PAPPA2: variants seen among roughly 807,000 people sequenced by gnomAD.
PAPPA2 encodes the protein pappalysin 2, also known as pappalysin-2.
In PAPPA2, 86 loss-of-function variants were observed where a neutral mutation model predicts 176.4. The observed-to-expected ratio is 0.49, with a 90% CI of 0.41 to 0.58. The LOEUF (loss-of-function observed/expected upper bound fraction) is 0.58. PAPPA2 is among the 20% of genes least tolerant of loss of function. The probability of loss-of-function intolerance (pLI) is 0.00; values close to 1 mark genes in which losing one functional copy is unlikely to be tolerated. For synonymous variants in PAPPA2, 809 were observed against 852.2 expected, an observed-to-expected ratio of 0.95 and a Z score of 0.88; for missense variants, 2,073 against 2,256.9, an observed-to-expected ratio of 0.92 and a Z score of 1.65.
At position 176,740,075 on chromosome 1, in the gene PAPPA2, A is replaced by G. The variant is rs765028639; in HGVS notation, c.4030A>G (p.Asn1344Asp). ...CCACCATACCACCTCAGTGCTGCTG[A>G]ATTTCTCATCCCCACGGGTCGGCAT... ...LFHHTTSVLL[N>D]FSSPRVGISA... Residue 1344 changes from asparagine to aspartate, a missense_variant, in exon 14 of 23, where the codon AAT (asparagine) becomes GAT (aspartate). Physicochemically the swap from Asn to Asp is conservative, Grantham distance 23. This residue lies in a region of PAPPA2 where 846 missense variants were observed against 857.9 expected (regional missense o/e 0.99). Transcript: ENST00000367662. The G allele has an allele frequency of 2.0e-5, 32 of 1,613,876 alleles. No individual in the cohort carries two copies. Among genetic ancestry groups the G allele is most frequent in the Non-Finnish European group, 2.7e-5 (32 of 1,179,878 alleles).
chr1:176,621,011 G>T (rs1484096098), intron 3 of PAPPA2, among the ~76,000 whole-genome samples: 2 of 152,156 alleles, frequency 1.3e-5, no homozygotes, highest in African/African-American at 4.8e-5. Flanking sequence ...GAGGGATCAA[G>T]AGAGAGGAAG....
intron 9 of PAPPA2, among the ~76,000 whole-genome samples, chr1:176,704,997 C>T (rs1047333868): frequency 6.6e-6 from 1 of 152,126 alleles, no homozygotes; most frequent in Non-Finnish European, 1.5e-5. Context: ...ACATAGCATG[C>T]TTATATTGAT....
intron 1 of PAPPA2, among the ~76,000 whole-genome samples, chr1:176,553,157 A>G (rs567109459): frequency 6.6e-6 from 1 of 150,776 alleles, no homozygotes; most frequent in Non-Finnish European, 1.5e-5. Flanking sequence ...CACTTGACAG[A>G]TTATTTGAAT....
chr1:176,692,079 A>G lies in PAPPA2; in HGVS notation c.2432-47A>G, dbSNP rs374703063. 67 of 1,534,164 alleles carry G rather than the reference A, an allele frequency of 4.4e-5. 1 individual carries two copies. In the Admixed American group the frequency reaches 4.4e-4, roughly 10 times the overall value. Reference sequence around the variant, plus strand: ...ATTTATCCCTGCCTTGGTGGACTTGATGGGTTAAAATCTCCATCTCTTGTG... The same window carrying G: ...ATTTATCCCTGCCTTGGTGGACTTGGTGGGTTAAAATCTCCATCTCTTGTG... On this transcript the variant is annotated intron_variant, in intron 5 of 22. Transcript: ENST00000367662.
chr1:176,594,405 A>G (rs1191702055), intron 2 of PAPPA2, 119 bp from the exon 3 acceptor site: 1 of 829,004 alleles, frequency 1.2e-6, no homozygotes, highest in Non-Finnish European at 1.9e-6. Context: ...TGTGTCGCTT[A>G]CTTTATTCCC....
At chr1:176,704,664 T>C (rs1660800439) in intron 9 of PAPPA2, among the ~76,000 whole-genome samples, 1 of 152,194 alleles carries the variant, frequency 6.6e-6, no homozygotes, top group African/African-American at 2.4e-5. Context: ...TTCAAGTATA[T>C]TTGGAACAAC....
intron 3 of PAPPA2, among the ~76,000 whole-genome samples, chr1:176,641,572 A>G (rs1260865685): frequency 3.3e-5 from 5 of 151,892 alleles, no homozygotes; most frequent in African/African-American, 4.8e-5. Context: ...TACCAGTACC[A>G]TGCTGTTTTT....
chr1:176,621,477 C>G (rs2102691994), intron 3 of PAPPA2, among the ~76,000 whole-genome samples: 1 of 152,294 alleles, frequency 6.6e-6, no homozygotes, highest in East Asian at 1.9e-4. Context: ...TGACTGACAC[C>G]TCTAGTAGCT....
At chr1:176,523,575 T>C (rs187453376) in intron 1 of PAPPA2, among the ~76,000 whole-genome samples, 43 of 152,330 alleles carry the variant, frequency 2.8e-4, no homozygotes, top group Admixed American at 6.5e-4. Flanking sequence ...TTAAACAATT[T>C]TTCTAAGTGA....
At chr1:176,543,787 G>T (rs547647915) in intron 1 of PAPPA2, among the ~76,000 whole-genome samples, 5 of 152,304 alleles carry the variant, frequency 3.3e-5, no homozygotes, top group African/African-American at 7.2e-5. Context: ...CAGCCCATTA[G>T]GTTTGAGGTG....
chr1:176,654,915 A>G (rs1321267913), intron 3 of PAPPA2, among the ~76,000 whole-genome samples: 1 of 151,760 alleles, frequency 6.6e-6, no homozygotes, highest in African/African-American at 2.4e-5. Flanking sequence ...TGGGTATGAT[A>G]ATTTTGTATC....
intron 14 of PAPPA2, among the ~76,000 whole-genome samples, chr1:176,746,282 A>T (rs1020190060): frequency 1.3e-5 from 2 of 152,242 alleles, no homozygotes; most frequent in South Asian, 2.1e-4. Context: ...TGGAACTGAG[A>T]GGCAATAAGT....
At chr1:176,559,067 C>G (rs1651505821) in intron 2 of PAPPA2, among the ~76,000 whole-genome samples, 1 of 152,156 alleles carries the variant, frequency 6.6e-6, no homozygotes, top group South Asian at 2.1e-4. Flanking sequence ...GGCACCTCCC[C>G]CATCCCCACC....
intron 3 of PAPPA2, among the ~76,000 whole-genome samples, chr1:176,633,161 A>C (rs1489817080): frequency 1.3e-5 from 2 of 152,252 alleles, no homozygotes; most frequent in Admixed American, 1.3e-4. Context: ...GAGGAGCGGC[A>C]GTCAGAGTGC....
rs1334114818 is a variant in PAPPA2 at position 176,765,797 on chromosome 1, C to T, written c.4283C>T (p.Ala1428Val). ...KCAITCQRGF[A>V]LQASSGQYIR... Reference sequence around the variant, plus strand: ...GCTATCACTTGTCAAAGGGGATTTGCCCTTCAGGCCAGCAGTGGGCAGTAC... The same window carrying T: ...GCTATCACTTGTCAAAGGGGATTTGTCCTTCAGGCCAGCAGTGGGCAGTAC... The change falls in exon 15 of 23, where the codon GCC becomes GTC. Residue 1428 changes from alanine to valine, a missense_variant. Physicochemically the swap from Ala to Val is moderately conservative, Grantham distance 64. This residue lies in a region of PAPPA2 where 846 missense variants were observed against 857.9 expected (regional missense o/e 0.99). Coordinates refer to ENST00000367662, the MANE Select transcript of PAPPA2 (RefSeq NM_020318.3). The T allele has an allele frequency of 2.5e-6, 4 of 1,614,136 alleles. No individual in the cohort carries two copies. Among genetic ancestry groups the T allele is most frequent in the Middle Eastern group, 1.7e-4 (1 of 6,054 alleles).
intron 12 of PAPPA2, among the ~76,000 whole-genome samples, chr1:176,738,162 G>A (rs907839084): frequency 2.0e-5 from 3 of 152,082 alleles, no homozygotes; most frequent in Non-Finnish European, 4.4e-5. Context: ...CCCTCATCCA[G>A]ACAGGGACAA....
At chr1:176,512,798 A>G (rs565033754) in intron 1 of PAPPA2, among the ~76,000 whole-genome samples, 1 of 152,350 alleles carries the variant, frequency 6.6e-6, no homozygotes, top group East Asian at 1.9e-4. Flanking sequence ...TTTTAAAAAC[A>G]TTAATAAAAC....
At chr1:176,474,109 C>A (rs925481011) in intron 1 of PAPPA2, among the ~76,000 whole-genome samples, 1 of 152,110 alleles carries the variant, frequency 6.6e-6, no homozygotes, top group African/African-American at 2.4e-5. Context: ...TTAGTTCATT[C>A]TTTTAAATGA....
Position 176,819,630 on chromosome 1 carries a change from T to C in PAPPA2, c.5202+19498T>C, listed in dbSNP as rs143527587. 4.1e-4 allele frequency among the ~76,000 whole-genome samples: 63 copies of C among 152,312 alleles called. No homozygotes were observed. In the East Asian group the frequency reaches 6.9e-3, roughly 17 times the overall value. Reference sequence around the variant, plus strand: ...CTAAAATGCTACACACATATGGGATTATCATCATTGTCATCCCCGTGTGAG... The same window carrying C: ...CTAAAATGCTACACACATATGGGATCATCATCATTGTCATCCCCGTGTGAG... On this transcript the variant is annotated intron_variant, in intron 21 of 22. Coordinates refer to ENST00000367662, the MANE Select transcript of PAPPA2 (RefSeq NM_020318.3).
Sources: gnomAD v4.1 joint callset for allele counts (sites outside exome capture counted in the v4.1 genomes callset) on GRCh38, gnomAD v4.1.1 for gene constraint, gnomAD v4.1.1 regional missense constraint, MANE v1.5 for transcripts, NCBI Gene and HGNC (gene_info 2026-07-23, HGNC 2026-07-21) for gene names.